TASP1: variants seen among roughly 807,000 people sequenced by gnomAD.
TASP1 encodes taspase 1.
TASP1 carries 16 observed loss-of-function variants against 56.6 expected under a neutral mutation model. That is an observed-to-expected ratio of 0.28 (90% CI 0.19 to 0.43). The LOEUF (loss-of-function observed/expected upper bound fraction) is 0.43, where lower values mean the gene tolerates loss of function less well. Ranked by LOEUF, TASP1 falls within the 20% of genes least tolerant of loss-of-function variation. TASP1 has a pLI of 1.00. For missense variants in TASP1, 393 were observed against 511.6 expected, an observed-to-expected ratio of 0.77 and a Z score of 2.24; for synonymous variants, 179 against 184.2, an observed-to-expected ratio of 0.97 and a Z score of 0.23.
intron 4 of TASP1, among the ~76,000 whole-genome samples, chr20:13,603,875 C>T (rs974918428): frequency 6.6e-6 from 1 of 152,118 alleles, no homozygotes; most frequent in Non-Finnish European, 1.5e-5. Flanking sequence ...AAGAATCTTG[C>T]TAAATCAGTC....
intron 6 of TASP1, among the ~76,000 whole-genome samples, chr20:13,572,092 C>T (rs762879148): frequency 5.3e-5 from 8 of 152,192 alleles, no homozygotes; most frequent in Admixed American, 3.9e-4. Flanking sequence ...ATAATTTACA[C>T]ATTGTATCTG....
At chr20:13,216,550 C>T in the TASP1 span, among the ~76,000 whole-genome samples, 52 of 152,272 alleles carry the variant, frequency 3.4e-4, no homozygotes, top group African/African-American at 1.2e-3. Flanking sequence ...AGGGACCTTA[C>T]AGCCCACAAA....
chr20:13,394,971 A>G (rs976681404), intron 13 of TASP1, among the ~76,000 whole-genome samples: 13 of 152,240 alleles, frequency 8.5e-5, no homozygotes, highest in Non-Finnish European at 1.8e-4. Flanking sequence ...GTAATATAGA[A>G]AGTATATAAT....
At chr20:13,267,879 A>G in the TASP1 span, among the ~76,000 whole-genome samples, 3 of 152,256 alleles carry the variant, frequency 2.0e-5, no homozygotes, top group Non-Finnish European at 4.4e-5. Flanking sequence ...TACAAGAAGT[A>G]CTAAAGCAAT....
chr20:13,564,539 A>G (rs1030385846), intron 7 of TASP1, among the ~76,000 whole-genome samples: 5 of 151,930 alleles, frequency 3.3e-5, no homozygotes, highest in Admixed American at 1.3e-4. Context: ...TGTAATCCCT[A>G]ACAAAATCCC....
intron 13 of TASP1, among the ~76,000 whole-genome samples, chr20:13,414,109 T>C (rs1428468448): frequency 6.6e-6 from 1 of 152,240 alleles, no homozygotes; most frequent in Non-Finnish European, 1.5e-5. Flanking sequence ...TTACTGCATT[T>C]AGTTGTCACA....
intron 10 of TASP1, among the ~76,000 whole-genome samples, chr20:13,516,970 T>C (rs969135203): frequency 1.3e-5 from 2 of 151,800 alleles, no homozygotes; most frequent in Non-Finnish European, 2.9e-5. Context: ...CTGGTTTTGT[T>C]GAGATTTGGG....
the TASP1 span, among the ~76,000 whole-genome samples, chr20:13,367,779 A>G: frequency 1.3e-5 from 2 of 152,230 alleles, no homozygotes; most frequent in African/African-American, 4.8e-5. Flanking sequence ...TGATTTTTTT[A>G]AAGCCCAAGT....
At chr20:13,370,552 T>C in the TASP1 span, among the ~76,000 whole-genome samples, 1 of 152,172 alleles carries the variant, frequency 6.6e-6, no homozygotes, top group African/African-American at 2.4e-5. Context: ...AGGTTTCTCA[T>C]TAAAACAAAC....
chr20:13,270,522 A>G, the TASP1 span: 5 of 1,613,296 alleles, frequency 3.1e-6, no homozygotes, highest in African/African-American at 6.7e-5. Context: ...CAACGTGGGA[A>G]GTGACACCAC....
chr20:13,316,341 A>C, the TASP1 span, among the ~76,000 whole-genome samples: 1 of 152,004 alleles, frequency 6.6e-6, no homozygotes, highest in South Asian at 2.1e-4. Context: ...AGGTAGGTTC[A>C]ATGTTGAATT....
chr20:13,198,301 A>T, the TASP1 span, among the ~76,000 whole-genome samples: 25 of 152,064 alleles, frequency 1.6e-4, no homozygotes, highest in Non-Finnish European at 1.5e-5. Flanking sequence ...TGAGGTGCCA[A>T]TGTGGTCGGG....
At chr20:13,200,492 T>TTC in the TASP1 span, among the ~76,000 whole-genome samples, 17 of 150,836 alleles carry the variant, frequency 1.1e-4, no homozygotes, top group East Asian at 3.9e-4. Context: ...CTAGTGAAGT[T>TTC]TCTCTCTCTC....
the TASP1 span, among the ~76,000 whole-genome samples, chr20:13,117,967 G>A: frequency 6.6e-6 from 1 of 152,080 alleles, no homozygotes; most frequent in Non-Finnish European, 1.5e-5. Context: ...AACACTGGCC[G>A]TGTACATAAG....
chr20:13,593,312 T>C (rs961642119), intron 4 of TASP1, among the ~76,000 whole-genome samples: 1 of 152,198 alleles, frequency 6.6e-6, no homozygotes, highest in Non-Finnish European at 1.5e-5. Context: ...AAGTGATTTC[T>C]GCATTTCCAA....
the TASP1 span, among the ~76,000 whole-genome samples, chr20:13,206,365 A>G: frequency 6.6e-6 from 1 of 152,214 alleles, no homozygotes; most frequent in Non-Finnish European, 1.5e-5. Context: ...AGGTAAGTTC[A>G]GGTAATAAGT....
the TASP1 span, among the ~76,000 whole-genome samples, chr20:13,107,825 TGGTAGCATACA>T: frequency 1.3e-5 from 2 of 151,914 alleles, no homozygotes; most frequent in African/African-American, 2.4e-5. Context: ...CAGATATTAT[TGGTAGCATACA>T]GGTAGCATAC....
the TASP1 span, chr20:13,166,666 C>T: frequency 1.3e-5 from 2 of 152,168 alleles, no homozygotes; most frequent in Non-Finnish European, 2.9e-5. Context: ...TGCATAAATG[C>T]CTTGCGTTCT....
At chr20:13,400,673 A>C (rs534422359) in intron 13 of TASP1, among the ~76,000 whole-genome samples, 6 of 152,336 alleles carry the variant, frequency 3.9e-5, no homozygotes, top group Middle Eastern at 3.4e-3. Flanking sequence ...CATAAAAGCA[A>C]ACTGTCAGTA....
Sources: allele counts gnomAD v4.1 joint callset (sites outside exome capture counted in the v4.1 genomes callset), GRCh38; gene constraint gnomAD v4.1.1; transcripts MANE v1.5; gene names NCBI Gene and HGNC (gene_info 2026-07-23, HGNC 2026-07-21).